The following SGMS1 variants were observed in gnomAD, a reference collection of about 807,000 sequenced individuals.
SGMS1 encodes sphingomyelin synthase 1.
Under a neutral mutation model 46.2 loss-of-function variants are expected in SGMS1, and 13 were observed. The ratio of observed to expected loss-of-function variants is 0.28; its 90% CI spans 0.18 to 0.45. SGMS1 has a LOEUF of 0.45. Among genes scored for constraint, SGMS1 ranks in the 20% least tolerant of loss-of-function variants. SGMS1 has a pLI of 1.00. For missense variants in SGMS1, 324 were observed against 519.9 expected (o/e 0.62, Z 3.66); for synonymous variants, 203 against 187.8 (o/e 1.08, Z -0.66).
chr10:50,473,048 T>C (rs1469221090), intron 3 of SGMS1, among the ~76,000 whole-genome samples: 1 of 152,200 alleles, frequency 6.6e-6, no homozygotes, highest in African/African-American at 2.4e-5. Flanking sequence ...CATAATACAA[T>C]TTCCATTAAA....
chr10:50,575,056 G>A (rs866077508), intron 2 of SGMS1, among the ~76,000 whole-genome samples: 20 of 146,400 alleles, frequency 1.4e-4, no homozygotes, highest in Admixed American at 5.6e-4. Context: ...CGTGGAAGAC[G>A]TTATGTTAAG....
Position 50,467,885 on chromosome 10 carries a change from T to C in SGMS1, c.-497-953A>G, listed in dbSNP as rs181521047. On this transcript the variant is annotated intron_variant, in intron 3 of 10. Coordinates refer to ENST00000361781, the MANE Select transcript of SGMS1 (RefSeq NM_147156.4). The stretch of plus-strand genomic sequence containing the variant: ...TGATTAGTTGATTGTATGAGGTCAA[T>C]CTGCCAGTTCTCCAGAGACCAAAGG... 9.3e-4 allele frequency among the ~76,000 whole-genome samples: 142 copies of C among 152,256 alleles called. 1 individual carries two copies. The highest frequency in any genetic ancestry group is 3.3e-3 in the African/African-American group (139 of 41,546).
intron 2 of SGMS1, among the ~76,000 whole-genome samples, chr10:50,529,300 C>T (rs1837931276): frequency 6.6e-6 from 1 of 152,184 alleles, no homozygotes; most frequent in Non-Finnish European, 1.5e-5. Flanking sequence ...TAAGACTCAA[C>T]TCTGCCTCTA....
intron 6 of SGMS1, among the ~76,000 whole-genome samples, chr10:50,394,311 C>T (rs1478316751): frequency 6.6e-6 from 1 of 152,200 alleles, no homozygotes; most frequent in African/African-American, 2.4e-5. Flanking sequence ...AAAACAAAGA[C>T]TCCATCATAA....
At chr10:50,388,861 C>T (rs1180077475) in intron 6 of SGMS1, among the ~76,000 whole-genome samples, 1 of 152,036 alleles carries the variant, frequency 6.6e-6, no homozygotes. Context: ...ATGATATAAA[C>T]TAAGAGTGAA....
intron 6 of SGMS1, among the ~76,000 whole-genome samples, chr10:50,395,659 T>C (rs1376721336): frequency 6.6e-6 from 1 of 152,218 alleles, no homozygotes; most frequent in Non-Finnish European, 1.5e-5. Context: ...GTAAACAGTC[T>C]TACCAAAAGA....
chr10:50,536,330 A>G (rs1012227206), intron 2 of SGMS1, among the ~76,000 whole-genome samples: 3 of 152,136 alleles, frequency 2.0e-5, no homozygotes, highest in South Asian at 2.1e-4. Flanking sequence ...CAAAAAAATG[A>G]ACAAAGAAAC....
chr10:50,494,011 C>T (rs1837589125), intron 3 of SGMS1, among the ~76,000 whole-genome samples: 1 of 152,220 alleles, frequency 6.6e-6, no homozygotes, highest in South Asian at 2.1e-4. Context: ...GTTGGCCAGG[C>T]TGGTCTCAAA....
upstream of SGMS1, chr10:50,625,109 T>C (rs1266055957): frequency 2.1e-6 from 2 of 966,596 alleles, no homozygotes; most frequent in Non-Finnish European, 2.5e-6. Context: ...AGGAGTCCTG[T>C]ACCGACCCCT....
intron 4 of SGMS1, among the ~76,000 whole-genome samples, chr10:50,464,691 C>T (rs890504807): frequency 1.3e-5 from 2 of 152,218 alleles, no homozygotes; most frequent in African/African-American, 4.8e-5. Context: ...GCCTTGGCCT[C>T]CCAAAGTGCT....
chr10:50,327,271 A>G lies in SGMS1; in HGVS notation c.675T>C (p.Tyr225=). ...TAGTTACATACATTGTAATACACCG[A>G]TACAGGTACAGCGTGCCAACTATGC... The part of the protein sequence containing the change: ...FFCIVGTLYL[Y]RCITMYVTTL... Residue 225 remains tyrosine, a synonymous_variant, in exon 8 of 11, where the codon TAT becomes TAC. Transcript: ENST00000361781. 1 of 1,611,438 alleles carries G rather than the reference A, an allele frequency of 6.2e-7. No individual in the cohort carries two copies. The highest frequency in any genetic ancestry group is 8.5e-7 in the Non-Finnish European group (1 of 1,178,764).
chr10:50,503,433 A>T (rs901518362), intron 3 of SGMS1, among the ~76,000 whole-genome samples: 1 of 152,020 alleles, frequency 6.6e-6, no homozygotes, highest in South Asian at 2.1e-4. Flanking sequence ...AACTGATGAC[A>T]TTATCTTGTG....
intron 6 of SGMS1, among the ~76,000 whole-genome samples, chr10:50,406,559 G>A (rs1370922897): frequency 6.6e-6 from 1 of 152,194 alleles, no homozygotes; most frequent in Non-Finnish European, 1.5e-5. Flanking sequence ...CTGAGAGGGG[G>A]TAGGAAGTTG....
At chr10:50,425,305 A>G (rs1237415890) in intron 6 of SGMS1, among the ~76,000 whole-genome samples, 2 of 152,230 alleles carry the variant, frequency 1.3e-5, no homozygotes, top group African/African-American at 2.4e-5. Context: ...TATATGTTCA[A>G]TGCAGCACCA....
intron 3 of SGMS1, among the ~76,000 whole-genome samples, chr10:50,480,205 T>A (rs1837463570): frequency 6.6e-6 from 1 of 152,078 alleles, no homozygotes; most frequent in African/African-American, 2.4e-5. Flanking sequence ...CCCACACTGG[T>A]AGTTCAGCAA....
chr10:50,362,330 A>T (rs1848263622), intron 6 of SGMS1, among the ~76,000 whole-genome samples: 2 of 152,214 alleles, frequency 1.3e-5, no homozygotes, highest in South Asian at 4.1e-4. Flanking sequence ...TCCCACAGGG[A>T]TATCAGACTT....
chr10:50,429,681 T>G (rs1436904939), intron 6 of SGMS1, among the ~76,000 whole-genome samples: 1 of 148,208 alleles, frequency 6.7e-6, no homozygotes, highest in Non-Finnish European at 1.5e-5. Flanking sequence ...ACTCTTATAG[T>G]TTTTTCTACA....
chr10:50,344,430 T>C, intron 6 of SGMS1, 85 bp from the exon 7 acceptor site: 1 of 255,372 alleles, frequency 3.9e-6, no homozygotes, highest in Non-Finnish European at 7.5e-6. Flanking sequence ...ATAAGGAAAG[T>C]AGAAAACCAG....
chr10:50,472,822 C>T (rs1837390393), intron 3 of SGMS1: 1 of 152,090 alleles, frequency 6.6e-6, no homozygotes, highest in Non-Finnish European at 1.5e-5. Flanking sequence ...TTTCTCCACA[C>T]TAGTCATTAT....
Sources: allele counts gnomAD v4.1 joint callset (sites outside exome capture counted in the v4.1 genomes callset), GRCh38; gene constraint gnomAD v4.1.1; transcripts MANE v1.5; gene names NCBI Gene and HGNC (gene_info 2026-07-23, HGNC 2026-07-21).